The following PTPRZ1 variants were observed in gnomAD, a reference collection of about 807,000 sequenced individuals.
The protein encoded by PTPRZ1 is protein tyrosine phosphatase receptor type Z1.
Under a neutral mutation model 214.1 loss-of-function variants are expected in PTPRZ1, and 82 were observed. The ratio of observed to expected loss-of-function variants is 0.38; its 90% CI spans 0.32 to 0.46. PTPRZ1 has a LOEUF of 0.46. Among genes scored for constraint, PTPRZ1 ranks in the 20% least tolerant of loss-of-function variants. PTPRZ1 has a pLI of 1.00. For missense variants in PTPRZ1, 2,603 were observed against 2,748.7 expected, an observed-to-expected ratio of 0.95 and a Z score of 1.19; for synonymous variants, 945 against 987.9, an observed-to-expected ratio of 0.96 and a Z score of 0.81.
At chr7:122,041,021 A>G (rs781089293) in intron 21 of PTPRZ1, 42 bp downstream of exon 21, 1 of 1,390,434 alleles carries the variant, frequency 7.2e-7, no homozygotes, top group East Asian at 2.5e-5. Flanking sequence ...AGAATTGCTT[A>G]TACTTGCAAA....
At position 121,967,939 on chromosome 7, in the gene PTPRZ1, T is replaced by C. The variant is rs201521787; in HGVS notation, c.125-12T>C. 2.2e-4 allele frequency: 337 copies of C among 1,528,206 alleles called. 2 individuals carry two copies. In the African/African-American group the frequency reaches 4.3e-3, roughly 20 times the overall value. 94.7% of individuals were successfully genotyped at this position (1,528,206 alleles called of 1,614,324 possible). A position where few individuals can be genotyped will look rare whatever the true frequency, so the allele number is the denominator to read the frequency against. ...TTAAGAAACTAAATTTCTTACTCCT[T>C]CTTTTCCCTAGGAGCACTGAATCAA... On this transcript the variant is annotated splice_polypyrimidine_tract_variant and intron_variant, in intron 2 of 29. Coordinates refer to ENST00000393386, the MANE Select transcript of PTPRZ1 (RefSeq NM_002851.3).
At position 121,874,039 on chromosome 7, in the gene PTPRZ1, GACAC is replaced by G. The variant is rs10640393; in HGVS notation, c.58+505_58+508del. 9.4e-3 allele frequency among the ~76,000 whole-genome samples: 1,389 copies of G among 147,914 alleles called. 9 individuals carry two copies. Among genetic ancestry groups the G allele is most frequent in the Non-Finnish European group, 0.013 (854 of 66,860 alleles). On this transcript the variant is annotated intron_variant, in intron 1 of 29. Transcript: ENST00000393386. ...GTACACGTGTCTGGTGTGAATTGCA[GACAC>G]ACACACACACACACACACACACCTG...
At chr7:122,045,243 C>T (rs1201687948) in intron 23 of PTPRZ1, among the ~76,000 whole-genome samples, 4 of 152,144 alleles carry the variant, frequency 2.6e-5, no homozygotes, top group East Asian at 1.9e-4. Flanking sequence ...TATTATTTCA[C>T]TCCACATTGT....
chr7:121,961,734 C>T (rs1796885658), intron 2 of PTPRZ1, among the ~76,000 whole-genome samples: 1 of 152,178 alleles, frequency 6.6e-6, no homozygotes, highest in Non-Finnish European at 1.5e-5. Context: ...ATATGCCAGA[C>T]TCAGAGTTTG....
rs926934934 is a variant in PTPRZ1 at position 121,874,619 on chromosome 7, A to G, written c.58+1062A>G. Reference sequence around the variant, plus strand: ...TAGATGGTGCTGCTCTTGGCACAGTAACCTTTACAAACAGAAACTATTTTT... The same window carrying G: ...TAGATGGTGCTGCTCTTGGCACAGTGACCTTTACAAACAGAAACTATTTTT... On this transcript the variant is annotated intron_variant, in intron 1 of 29. Coordinates refer to ENST00000393386, the MANE Select transcript of PTPRZ1 (RefSeq NM_002851.3). Among the ~76,000 whole-genome samples the G allele has an allele frequency of 5.3e-5, 8 of 152,206 alleles. 1 individual carries two copies. Among genetic ancestry groups the G allele is most frequent in the African/African-American group, 1.9e-4 (8 of 41,446 alleles).
chr7:121,955,633 T>C (rs1206758314), intron 2 of PTPRZ1, among the ~76,000 whole-genome samples: 1 of 152,218 alleles, frequency 6.6e-6, no homozygotes, highest in Non-Finnish European at 1.5e-5. Context: ...AGAAAAGTCC[T>C]GTAATTAATC....
chr7:121,951,954 TATTTA>T (rs1563033744), intron 2 of PTPRZ1, among the ~76,000 whole-genome samples: 1 of 51,436 alleles, frequency 1.9e-5, no homozygotes, highest in Admixed American at 1.7e-4. Flanking sequence ...CGAGTGTATT[TATTTA>T]TTTATTTTTT....
At chr7:121,963,406 G>A (rs935412752) in intron 2 of PTPRZ1, among the ~76,000 whole-genome samples, 4 of 151,992 alleles carry the variant, frequency 2.6e-5, no homozygotes, top group South Asian at 2.1e-4. Context: ...TGTGTCATTC[G>A]TTTTTTCTTC....
intron 1 of PTPRZ1, among the ~76,000 whole-genome samples, chr7:121,900,949 T>C (rs1794938337): frequency 6.6e-6 from 1 of 152,198 alleles, no homozygotes; most frequent in Non-Finnish European, 1.5e-5. Flanking sequence ...AGACTTATTA[T>C]ATCCATTTTA....
chr7:121,947,122 A>G (rs1796404330), intron 2 of PTPRZ1, among the ~76,000 whole-genome samples: 1 of 152,198 alleles, frequency 6.6e-6, no homozygotes, highest in East Asian at 1.9e-4. Flanking sequence ...GTGATTATAT[A>G]GGAAAATATT....
At chr7:121,890,407 T>G (rs76937438) in intron 1 of PTPRZ1, among the ~76,000 whole-genome samples, 98 of 152,284 alleles carry the variant, frequency 6.4e-4, no homozygotes, top group African/African-American at 2.2e-3. Flanking sequence ...TGGGTTACAT[T>G]TTTTCATGAT....
At chr7:121,969,262 CA>C (rs1446142624) in intron 3 of PTPRZ1, among the ~76,000 whole-genome samples, 1 of 148,386 alleles carries the variant, frequency 6.7e-6, no homozygotes, top group Non-Finnish European at 1.5e-5. Context: ...AACAAACAAA[CA>C]AACAAAAAAC....
In PTPRZ1 at chr7:121,965,342, T is replaced by G. The variant is rs575982244; in HGVS notation, c.125-2609T>G. On this transcript the variant is annotated intron_variant, in intron 2 of 29. Transcript: ENST00000393386. ...AGTTGTAGGACTAAAGTCCCTGATTTTTGTTGTTGTGGTTTGTTTGTTTGT... is the reference window on the plus strand; with the variant it reads ...AGTTGTAGGACTAAAGTCCCTGATTGTTGTTGTTGTGGTTTGTTTGTTTGT... Among the ~76,000 whole-genome samples, 3 of 137,172 alleles carry G rather than the reference T, an allele frequency of 2.2e-5. No homozygotes were observed. In the South Asian group the frequency reaches 7.8e-4, roughly 35 times the overall value. 90.0% of individuals were successfully genotyped at this position (137,172 alleles called of 152,430 possible).
intron 1 of PTPRZ1, among the ~76,000 whole-genome samples, chr7:121,922,215 C>T (rs1795621204): frequency 6.6e-6 from 1 of 152,128 alleles, no homozygotes; most frequent in African/African-American, 2.4e-5. Flanking sequence ...TCTGAAGATA[C>T]AAAGTATTTA....
chr7:122,024,501 AAGTGT>A (rs1348304315), intron 13 of PTPRZ1, among the ~76,000 whole-genome samples: 1 of 152,136 alleles, frequency 6.6e-6, no homozygotes, highest in Non-Finnish European at 1.5e-5. Context: ...ATTGCCTTTT[AAGTGT>A]AGTGTCACTT....
At chr7:121,897,274 A>G (rs970041503) in intron 1 of PTPRZ1, among the ~76,000 whole-genome samples, 3 of 152,158 alleles carry the variant, frequency 2.0e-5, no homozygotes, top group African/African-American at 7.2e-5. Flanking sequence ...CATACCCTTC[A>G]GTGATAACGG....
In PTPRZ1 at chr7:122,013,173, T is replaced by C. The variant is rs1376849132; in HGVS notation, c.4127T>C (p.Ile1376Thr). The change falls in exon 12 of 30, where the codon ATT becomes ACT. Residue 1376 changes from isoleucine to threonine, a missense_variant. Ile to Thr is a moderately conservative substitution (Grantham distance 89). Around this residue, in one of 6 missense-constraint regions of PTPRZ1, gnomAD observed 1,913 missense variants for 1,914.3 expected, o/e 1.00. Transcript: ENST00000393386. The stretch of plus-strand genomic sequence containing the variant: ...CCTATAGGAAATGGGCATGTTGCCA[T>C]TACAGCTGTTTCTCCCCACAGAGAT... ...SVPIGNGHVA[I>T]TAVSPHRDGS... 5 of 1,614,138 alleles carry C rather than the reference T, an allele frequency of 3.1e-6. No individual in the cohort carries two copies. The highest frequency in any genetic ancestry group is 4.2e-6 in the Non-Finnish European group (5 of 1,179,958).
At chr7:122,056,968 T>C (rs746696277) in intron 27 of PTPRZ1, among the ~76,000 whole-genome samples, 9 of 152,034 alleles carry the variant, frequency 5.9e-5, no homozygotes, top group Non-Finnish European at 1.0e-4. Context: ...TTCAAATTCA[T>C]TTACTGCTGC....
At chr7:121,906,703 G>A (rs1320838224) in intron 1 of PTPRZ1, among the ~76,000 whole-genome samples, 1 of 152,122 alleles carries the variant, frequency 6.6e-6, no homozygotes. Context: ...AAGGGCAGTG[G>A]GTTCTGACTA....
Sources: allele counts gnomAD v4.1 joint callset (sites outside exome capture counted in the v4.1 genomes callset), GRCh38; gene constraint gnomAD v4.1.1; regional missense constraint gnomAD v4.1.1; transcripts MANE v1.5; gene names NCBI Gene and HGNC (gene_info 2026-07-23, HGNC 2026-07-21).